Variants in THOC2 observed in about 807,000 individuals in gnomAD.
The protein encoded by THOC2 is THO complex 2.
THOC2 carries 10 observed loss-of-function variants against 128.4 expected under a neutral mutation model. The observed-to-expected ratio is 0.08, with a 90% CI of 0.05 to 0.13. The LOEUF is 0.13. Ranked by LOEUF, THOC2 falls within the 10% of genes least tolerant of loss-of-function variation. The pLI, the probability that THOC2 is intolerant of heterozygous loss-of-function variation, is 1.00. For missense variants in THOC2, 535 were observed against 1,155.7 expected (o/e 0.46, Z 7.79); for synonymous variants, 393 against 396.9 (o/e 0.99, Z 0.12).
chrX:123,641,595 G>A (rs1356242428), intron 15 of THOC2, among the ~76,000 whole-genome samples: 1 of 111,307 alleles, frequency 9.0e-6, no homozygotes, highest in Non-Finnish European at 1.9e-5. Context: ...ACCACTACCT[G>A]TCCCTATTTC....
rs1463236939 is a variant in THOC2 at position 123,613,329 on chromosome X, A to G, written c.4677+70T>C. 1.0e-5 allele frequency: 11 copies of G among 1,070,751 alleles called. No individual in the cohort carries two copies. The Admixed American group carries it at 2.3e-4, about 23-fold the overall frequency. The allele number at this position is 1,070,751 out of a possible 1,213,427, so 88.2% of individuals were successfully genotyped here. A position where few individuals can be genotyped will look rare whatever the true frequency, so the allele number is the denominator to read the frequency against. ...ACTATAGGACTAGGAAAAAAATTCAATATTTGCTAAATTTTCAGGATTGAT... is the reference window on the plus strand; with the variant it reads ...ACTATAGGACTAGGAAAAAAATTCAGTATTTGCTAAATTTTCAGGATTGAT... On this transcript the variant is annotated intron_variant, in intron 36 of 38. Coordinates refer to ENST00000245838, the MANE Select transcript of THOC2 (RefSeq NM_001081550.2).
intron 8 of THOC2, among the ~76,000 whole-genome samples, chrX:123,674,603 C>T (rs1167953573): frequency 9.0e-6 from 1 of 111,245 alleles, no homozygotes; most frequent in Non-Finnish European, 1.9e-5. Flanking sequence ...ATTTTGCTAC[C>T]TGTTTTCTGT....
chrX:123,717,491 C>T (rs769903814), intron 1 of THOC2, among the ~76,000 whole-genome samples: 10 of 110,860 alleles, frequency 9.0e-5, no homozygotes, highest in Non-Finnish European at 1.7e-4. Flanking sequence ...AAGATCCATA[C>T]ACCACAAGCT....
Position 123,632,956 on chromosome X carries a change from G to A in THOC2, c.2221C>T (p.Pro741Ser). Residue 741 changes from proline (P) to serine (S), a missense_variant, in exon 21 of 39, where the codon CCT becomes TCT. This residue lies in a region of THOC2 where 90 missense variants were observed against 298.6 expected (regional missense o/e 0.30). Transcript: ENST00000245838. Reference sequence around the variant, plus strand: ...TGCTGAGCCATAAGCAGACAGAGAGGAAGGGCAAGATCATGGTCCAATAGA... The same window carrying A: ...TGCTGAGCCATAAGCAGACAGAGAGAAAGGGCAAGATCATGGTCCAATAGA... The part of the protein sequence containing the change: ...DALLDHDLAL[P>S]LCLLMAQQRN... 1.7e-6 allele frequency: 2 copies of A among 1,207,137 alleles called. No individual in the cohort carries two copies. Among genetic ancestry groups the A allele is most frequent in the Non-Finnish European group, 2.2e-6 (2 of 891,553 alleles).
intron 17 of THOC2, 149 bp downstream of exon 17, chrX:123,638,785 C>G: frequency 2.4e-6 from 1 of 410,386 alleles, no homozygotes; most frequent in Non-Finnish European, 4.3e-6. Context: ...CACACACACA[C>G]ACACACACAC....
intron 2 of THOC2, among the ~76,000 whole-genome samples, chrX:123,708,067 C>T (rs759863785): frequency 9.2e-6 from 1 of 108,994 alleles, no homozygotes; most frequent in African/African-American, 3.3e-5. Flanking sequence ...ATCAAAGTTG[C>T]AATGAGTTGT....
rs190248355 is a variant in THOC2, at chrX:123,625,884, C to T, written c.3057+28G>A. 2.1e-4 allele frequency: 250 copies of T among 1,192,232 alleles called. 3 individuals carry two copies. The African/African-American group carries it at 4.0e-3, about 19-fold the overall frequency. Reference sequence around the variant, plus strand: ...AATGTTAGCTATCTTTGTGTGAGAACTTTTTAAAGGTTGCAATAAAAACTT... The same window carrying T: ...AATGTTAGCTATCTTTGTGTGAGAATTTTTTAAAGGTTGCAATAAAAACTT... On this transcript the variant is annotated intron_variant, in intron 25 of 38. Transcript: ENST00000245838.
At chrX:123,618,673 T>G (rs754750492) in intron 33 of THOC2, among the ~76,000 whole-genome samples, 6 of 112,070 alleles carry the variant, frequency 5.4e-5, no homozygotes, top group Admixed American at 1.9e-4. Flanking sequence ...GTACACGTTT[T>G]ATAACAAAGA....
chrX:123,709,168 T>C (rs1351734240), intron 2 of THOC2, among the ~76,000 whole-genome samples: 1 of 112,749 alleles, frequency 8.9e-6, no homozygotes, highest in African/African-American at 3.2e-5. Context: ...ACCTATAAAA[T>C]CTATATTGCA....
At chrX:123,725,553 G>A (rs2051922484) in intron 1 of THOC2, among the ~76,000 whole-genome samples, 1 of 101,319 alleles carries the variant, frequency 9.9e-6, no homozygotes, top group Admixed American at 1.1e-4. Flanking sequence ...TGCAGTGAGT[G>A]GTGATCGTAG....
rs145030784 is a variant in THOC2 at position 123,611,924 on chromosome X, A to C, written c.4678-408T>G. Among the ~76,000 whole-genome samples the C allele has an allele frequency of 5.2e-3, 579 of 110,631 alleles. 4 individuals are homozygous for C. Among genetic ancestry groups the C allele is most frequent in the African/African-American group, 0.018 (554 of 30,398 alleles). On this transcript the variant is annotated intron_variant, in intron 36 of 38. Transcript: ENST00000245838. ...CCAATAAGCACATGAAAAGATGTTC[A>C]GCATCATTAGTTATTAAGAAAATGC... is the stretch of plus-strand genomic sequence containing the variant.
At chrX:123,630,212 A>AT (rs1216103118) in intron 22 of THOC2, among the ~76,000 whole-genome samples, 1 of 112,391 alleles carries the variant, frequency 8.9e-6, no homozygotes, top group Non-Finnish European at 1.9e-5. Context: ...ATGAAGAGAC[A>AT]TAACAGTTCT....
chrX:123,636,736 T>C (rs1371268000), intron 18 of THOC2, among the ~76,000 whole-genome samples: 1 of 111,801 alleles, frequency 8.9e-6, no homozygotes, highest in Non-Finnish European at 1.9e-5. Context: ...TATCATACCA[T>C]GAATAGGGAG....
chrX:123,612,951 A>G (rs1156608367), intron 36 of THOC2, among the ~76,000 whole-genome samples: 1 of 112,113 alleles, frequency 8.9e-6, no homozygotes, highest in Non-Finnish European at 1.9e-5. Context: ...TAAATCAAAT[A>G]CAAGTATCAA....
intron 4 of THOC2, among the ~76,000 whole-genome samples, chrX:123,699,603 A>T (rs2050607595): frequency 9.1e-6 from 1 of 110,292 alleles, no homozygotes; most frequent in Admixed American, 9.7e-5. Flanking sequence ...CTTTTACCCA[A>T]CATGTATCTA....
chrX:123,710,246 A>G (rs2051126613), intron 2 of THOC2, among the ~76,000 whole-genome samples: 1 of 112,028 alleles, frequency 8.9e-6, no homozygotes, highest in African/African-American at 3.2e-5. Context: ...CCACACTCAT[A>G]ACTATTTCTG....
At chrX:123,671,494 C>A (rs2049275933) in intron 9 of THOC2, among the ~76,000 whole-genome samples, 175 bp downstream of exon 9, 1 of 112,066 alleles carries the variant, frequency 8.9e-6, no homozygotes. Flanking sequence ...TGCCAAATAA[C>A]TAAATTTATT....
chrX:123,682,913 C>T (rs1380349962), intron 8 of THOC2, among the ~76,000 whole-genome samples: 3 of 110,777 alleles, frequency 2.7e-5, no homozygotes, highest in African/African-American at 6.6e-5. Flanking sequence ...AGACCTATCA[C>T]CTCCTCTTCC....
At chrX:123,618,668 C>T (rs2046978805) in intron 33 of THOC2, among the ~76,000 whole-genome samples, 1 of 111,779 alleles carries the variant, frequency 8.9e-6, no homozygotes, top group African/African-American at 3.2e-5. Context: ...GAAGGGTACA[C>T]GTTTTATAAC....
Sources: allele counts gnomAD v4.1 joint callset (sites outside exome capture counted in the v4.1 genomes callset), GRCh38; gene constraint gnomAD v4.1.1; regional missense constraint gnomAD v4.1.1; transcripts MANE v1.5; gene names NCBI Gene and HGNC (gene_info 2026-07-23, HGNC 2026-07-21).